Variants in GIGYF2 observed in about 807,000 individuals in gnomAD.
GIGYF2 encodes GRB10-interacting GYF protein 2.
GIGYF2 carries 25 observed loss-of-function variants against 208.1 expected under a neutral mutation model. The observed-to-expected ratio is 0.12, with a 90% CI of 0.09 to 0.17. The LOEUF (loss-of-function observed/expected upper bound fraction) is 0.17, where lower values mean the gene tolerates loss of function less well. Ranked by LOEUF, GIGYF2 falls within the 10% of genes least tolerant of loss-of-function variation. The pLI is 1.00. For missense variants in GIGYF2, 1,302 were observed against 1,579.4 expected (o/e 0.82, Z 2.98); for synonymous variants, 534 against 543.8 (o/e 0.98, Z 0.25).
intron 8 of GIGYF2, among the ~76,000 whole-genome samples, chr2:232,785,089 C>CTTT (rs578157035): frequency 1.5e-5 from 2 of 134,614 alleles, no homozygotes; most frequent in Non-Finnish European, 1.6e-5. Context: ...ACTTCTTCTT[C>CTTT]TTTTTTTTTT....
chr2:232,855,238 C>T (rs13008436), intron 28 of GIGYF2, among the ~76,000 whole-genome samples: 41,795 of 151,908 alleles, frequency 0.28, 6,810 homozygotes, highest in Non-Finnish European at 0.37. Flanking sequence ...AGGCGTGCAG[C>T]GCCACGCCCA....
chr2:232,719,890 T>C (rs1251084574), intron 2 of GIGYF2, among the ~76,000 whole-genome samples: 6 of 152,182 alleles, frequency 3.9e-5, no homozygotes, highest in Admixed American at 6.6e-5. Context: ...AAAGCAGTTA[T>C]GTAGAAATAT....
At chr2:232,842,145 T>C (rs1220894063) in intron 23 of GIGYF2, among the ~76,000 whole-genome samples, 1 of 152,164 alleles carries the variant, frequency 6.6e-6, no homozygotes, top group Non-Finnish European at 1.5e-5. Context: ...CTACCCTTTT[T>C]ATCTTTTCTA....
At chr2:232,702,706 C>A (rs190836746) in intron 1 of GIGYF2, among the ~76,000 whole-genome samples, 1 of 152,170 alleles carries the variant, frequency 6.6e-6, no homozygotes, top group African/African-American at 2.4e-5. Context: ...GCTTTGCTCC[C>A]TGGACATTTT....
chr2:232,727,018 G>A (rs1461153974), intron 2 of GIGYF2, among the ~76,000 whole-genome samples: 1 of 152,176 alleles, frequency 6.6e-6, no homozygotes, highest in Non-Finnish European at 1.5e-5. Flanking sequence ...AGGCTGGAGT[G>A]CAGTGGCACG....
chr2:232,856,349 G>A (rs1450280776), intron 28 of GIGYF2, among the ~76,000 whole-genome samples: 1 of 152,154 alleles, frequency 6.6e-6, no homozygotes. Context: ...AGCTACTGCT[G>A]TGACCTTTAT....
chr2:232,766,171 A>G (rs924032679), intron 8 of GIGYF2, among the ~76,000 whole-genome samples: 4 of 152,334 alleles, frequency 2.6e-5, no homozygotes, highest in African/African-American at 7.2e-5. Flanking sequence ...GAAACTTTCT[A>G]TCTCCTGCAA....
chr2:232,770,942 G>A, intron 8 of GIGYF2: 1 of 1,613,918 alleles, frequency 6.2e-7, no homozygotes. Context: ...AGGAGCATTT[G>A]TATGGCAAGT....
At position 232,816,966 on chromosome 2, in the gene GIGYF2, T is replaced by C. The variant is rs1700933758; in HGVS notation, c.2304T>C (p.Ile768=). ...AACTCCGAAGACAACAGGAGGAAAT[T>C]CTTCGGCGACAGCAGGAAGAAGAAA... is the stretch of plus-strand genomic sequence containing the variant. ...QEELRRQQEE[I]LRRQQEEERK... The change falls in exon 20 of 29, where the codon ATT becomes ATC. Residue 768 remains isoleucine, a synonymous_variant. Transcript: ENST00000373563. The C allele has an allele frequency of 8.1e-6, 13 of 1,613,312 alleles. No individual in the cohort carries two copies. The highest frequency in any genetic ancestry group is 1.1e-5 in the Non-Finnish European group (13 of 1,179,454).
At chr2:232,847,808 G>T (rs932641151) in intron 27 of GIGYF2, among the ~76,000 whole-genome samples, 9 of 152,090 alleles carry the variant, frequency 5.9e-5, no homozygotes, top group Non-Finnish European at 1.3e-4. Flanking sequence ...ATTTTTCTTG[G>T]TTTGTATTTG....
intron 27 of GIGYF2, among the ~76,000 whole-genome samples, chr2:232,849,815 T>C (rs1046319274): frequency 2.0e-5 from 3 of 152,224 alleles, no homozygotes; most frequent in African/African-American, 7.2e-5. Context: ...AGGAATAAGG[T>C]ACACGACTTT....
chr2:232,812,590 C>T, intron 18 of GIGYF2, 99 bp downstream of exon 18: 1 of 676,628 alleles, frequency 1.5e-6, no homozygotes, highest in Non-Finnish European at 2.7e-6. Context: ...GTTTCTGAAT[C>T]CATTTTGTAT....
At position 232,787,239 on chromosome 2, in the gene GIGYF2, A is replaced by C; in HGVS notation, c.622A>C (p.Arg208=). ...RSESENWRIF[R]EEQNGEDEDG... ...AGAAAGTGAAAATTGGCGCATCTTTAGAGAGGAACAAAATGGAGAAGATGA... is the reference window on the plus strand; with the variant it reads ...AGAAAGTGAAAATTGGCGCATCTTTCGAGAGGAACAAAATGGAGAAGATGA... Residue 208 remains arginine, a synonymous_variant, in exon 9 of 29, where the codon AGA becomes CGA. Transcript: ENST00000373563. 1 of 1,614,060 alleles carries C rather than the reference A, an allele frequency of 6.2e-7. No individual in the cohort carries two copies.
intron 8 of GIGYF2, chr2:232,765,205 G>A (rs1035576950): frequency 6.6e-6 from 1 of 152,042 alleles, no homozygotes; most frequent in Admixed American, 6.6e-5. Flanking sequence ...TTTTGTTGAC[G>A]ATAATGTAGG....
At chr2:232,745,167 T>C (rs533980859) in intron 3 of GIGYF2, among the ~76,000 whole-genome samples, 2 of 152,282 alleles carry the variant, frequency 1.3e-5, no homozygotes, top group East Asian at 3.9e-4. Flanking sequence ...CCTGGTTGTT[T>C]AACTTGTTTT....
intron 2 of GIGYF2, among the ~76,000 whole-genome samples, chr2:232,723,574 T>C (rs2106276719): frequency 6.7e-6 from 1 of 149,144 alleles, no homozygotes; most frequent in African/African-American, 2.5e-5. Context: ...GGAGTACAGG[T>C]GCACGCCACC....
chr2:232,834,675 T>C (rs1027761460), intron 22 of GIGYF2, among the ~76,000 whole-genome samples: 3 of 152,340 alleles, frequency 2.0e-5, no homozygotes, highest in African/African-American at 7.2e-5. Flanking sequence ...GAGTGATGCT[T>C]ATGTTGATGC....
At position 232,857,047 on chromosome 2, in the gene GIGYF2, T is replaced by A. The variant is rs1428567293; in HGVS notation, c.*187T>A. On this transcript the variant is annotated 3_prime_UTR_variant, in exon 29 of 29. Coordinates refer to ENST00000373563, the MANE Select transcript of GIGYF2 (RefSeq NM_001103146.3). ...TTTAATCCATTTTTGTTGGTGAACATCTCAGACTATAGATAAGTGGACTGG... is the reference window on the plus strand; with the variant it reads ...TTTAATCCATTTTTGTTGGTGAACAACTCAGACTATAGATAAGTGGACTGG... 1 of 644,516 alleles carries A rather than the reference T, an allele frequency of 1.6e-6. No individual in the cohort carries two copies. Among genetic ancestry groups the A allele is most frequent in the Admixed American group, 2.2e-5 (1 of 45,022 alleles). 39.9% of individuals were successfully genotyped at this position (644,516 alleles called of 1,614,324 possible).
At chr2:232,836,872 C>A (rs1314835956) in intron 22 of GIGYF2, among the ~76,000 whole-genome samples, 1 of 152,100 alleles carries the variant, frequency 6.6e-6, no homozygotes, top group African/African-American at 2.4e-5. Context: ...AAAGTCAGTT[C>A]CTTTGGGAAG....
Sources: allele counts gnomAD v4.1 joint callset (sites outside exome capture counted in the v4.1 genomes callset), GRCh38; gene constraint gnomAD v4.1.1; transcripts MANE v1.5; gene names NCBI Gene and HGNC (gene_info 2026-07-23, HGNC 2026-07-21).